Variants in PALM2AKAP2 observed in about 807,000 individuals in gnomAD.
PALM2AKAP2 encodes PALM2 and AKAP2 fusion, also known as PALM2-AKAP2 fusion protein.
In PALM2AKAP2, 37 loss-of-function variants were observed where a neutral mutation model predicts 71.5. That is an observed-to-expected ratio of 0.52 (90% CI 0.40 to 0.68). PALM2AKAP2 has a LOEUF of 0.68. Among genes scored for constraint, PALM2AKAP2 ranks in the 30% least tolerant of loss-of-function variants. The pLI is 0.00. For missense variants in PALM2AKAP2, 1,224 were observed against 1,191.8 expected (o/e 1.03, Z -0.40); for synonymous variants, 468 against 478.8 (o/e 0.98, Z 0.29).
At chr9:109,875,698 T>C (rs1829706173) in intron 2 of PALM2AKAP2, among the ~76,000 whole-genome samples, 1 of 152,202 alleles carries the variant, frequency 6.6e-6, no homozygotes, top group Non-Finnish European at 1.5e-5. Context: ...CCAGGCCTTA[T>C]GCGAGACTTA....
intron 1 of PALM2AKAP2, among the ~76,000 whole-genome samples, chr9:109,684,897 G>A (rs546694901): frequency 3.9e-5 from 6 of 152,224 alleles, no homozygotes; most frequent in African/African-American, 1.2e-4. Context: ...GGAAATGATC[G>A]AAATGTCCAT....
rs143863477 is a variant in PALM2AKAP2 at position 109,942,887 on chromosome 9, T to G, written c.496+10859T>G. 80 of 1,614,150 alleles carry G rather than the reference T, an allele frequency of 5.0e-5. 1 individual carries two copies. The highest frequency in any genetic ancestry group is 5.6e-5 in the Non-Finnish European group (66 of 1,180,024). On this transcript the variant is annotated intron_variant, in intron 6 of 9. Coordinates refer to the PALM2AKAP2 transcript ENST00000302798. ...GTGCACAAATTAAGCACAAAGGATG[T>G]AGAAGAGCTTATTCAGAAGGCTGGA...
At position 110,115,694 on chromosome 9, in the gene PALM2AKAP2, A is replaced by T. The variant is rs927163978; in HGVS notation, c.157-20433A>T. ...TGCTTTTGAAGAAACTTGAGACAAG[A>T]CTATTCATGAGTTCCCAGAGTGGGT... On this transcript the variant is annotated intron_variant, in intron 1 of 3. Coordinates refer to ENST00000374525, the Ensembl canonical transcript of PALM2AKAP2. Among the ~76,000 whole-genome samples the T allele has an allele frequency of 2.6e-5, 4 of 152,198 alleles. 1 individual carries two copies. Among genetic ancestry groups the T allele is most frequent in the African/African-American group, 7.2e-5 (3 of 41,446 alleles).
At chr9:109,815,228 A>G (rs186093705) in intron 1 of PALM2AKAP2, among the ~76,000 whole-genome samples, 2 of 152,226 alleles carry the variant, frequency 1.3e-5, no homozygotes, top group Non-Finnish European at 2.9e-5. Context: ...AGACAAGGGG[A>G]TGGTTGATGT....
chr9:109,730,209 T>C (rs911704019), intron 1 of PALM2AKAP2, among the ~76,000 whole-genome samples: 1 of 152,222 alleles, frequency 6.6e-6, no homozygotes, highest in Admixed American at 6.5e-5. Context: ...TTCAAGCTTC[T>C]AGTAATTCAT....
chr9:109,917,755 A>G (rs778527019), intron 3 of PALM2AKAP2, among the ~76,000 whole-genome samples: 1 of 151,896 alleles, frequency 6.6e-6, no homozygotes, highest in Non-Finnish European at 1.5e-5. Flanking sequence ...CAGTCTCCCA[A>G]AGTGCTGGGA....
chr9:110,081,327 AT>A (rs1232759495), intron 1 of PALM2AKAP2, among the ~76,000 whole-genome samples: 1 of 152,252 alleles, frequency 6.6e-6, no homozygotes, highest in Non-Finnish European at 1.5e-5. Flanking sequence ...GCACCAGAGC[AT>A]TTCATTGAGA....
rs1428201953 is a variant in PALM2AKAP2 at position 109,870,720 on chromosome 9, C to A, written c.126+3149C>A. Among the ~76,000 whole-genome samples the A allele has an allele frequency of 2.0e-5, 3 of 152,292 alleles. No individual in the cohort carries two copies. In the East Asian group the frequency reaches 5.8e-4, roughly 29 times the overall value. ...ACCGTTCTCTTTGAAAGAAATGTTTCCTTTGGAATAATTCATTTAGTGAGA... is the reference window on the plus strand; with the variant it reads ...ACCGTTCTCTTTGAAAGAAATGTTTACTTTGGAATAATTCATTTAGTGAGA... On this transcript the variant is annotated intron_variant, in intron 2 of 9. Coordinates refer to the PALM2AKAP2 transcript ENST00000302798.
At chr9:110,100,014 G>GTA (rs1243347140) in intron 1 of PALM2AKAP2, among the ~76,000 whole-genome samples, 19 of 143,740 alleles carry the variant, frequency 1.3e-4, no homozygotes, top group African/African-American at 4.9e-4. Flanking sequence ...ATATATGTGT[G>GTA]TGTGTGTCTT....
intron 2 of PALM2AKAP2, among the ~76,000 whole-genome samples, chr9:110,152,094 A>C (rs1441552010): frequency 6.6e-6 from 1 of 152,098 alleles, no homozygotes; most frequent in African/African-American, 2.4e-5. Context: ...AAAATTAGCC[A>C]GGCATAGTGG....
chr9:109,714,862 G>C (rs1441099066), intron 1 of PALM2AKAP2, among the ~76,000 whole-genome samples: 4 of 152,198 alleles, frequency 2.6e-5, no homozygotes, highest in African/African-American at 9.7e-5. Context: ...TAGCCATGAA[G>C]CAAGATACTT....
intron 1 of PALM2AKAP2, among the ~76,000 whole-genome samples, chr9:109,658,409 C>G (rs1827339741): frequency 6.6e-6 from 1 of 151,898 alleles, no homozygotes; most frequent in Non-Finnish European, 1.5e-5. Context: ...TCTGACCTCT[C>G]CAAAAATCTT....
At chr9:109,952,160 A>C (rs1467677781) in intron 6 of PALM2AKAP2, among the ~76,000 whole-genome samples, 1 of 152,260 alleles carries the variant, frequency 6.6e-6, no homozygotes, top group African/African-American at 2.4e-5. Flanking sequence ...CATGTATGAC[A>C]TTTAAATGAA....
chr9:109,861,414 A>G (rs9299177), intron 1 of PALM2AKAP2, among the ~76,000 whole-genome samples: 26,322 of 152,152 alleles, frequency 0.17, 2,449 homozygotes, highest in South Asian at 0.23. Flanking sequence ...GCTCTTTAAC[A>G]ATAGTTTACG....
At chr9:109,772,935 G>A (rs1829292049) in intron 1 of PALM2AKAP2, among the ~76,000 whole-genome samples, 4 of 152,100 alleles carry the variant, frequency 2.6e-5, no homozygotes, top group Admixed American at 2.0e-4. Flanking sequence ...TGGCTAACAC[G>A]GTGAAACCCC....
At chr9:110,063,779 A>G (rs1834016646) in intron 1 of PALM2AKAP2, among the ~76,000 whole-genome samples, 1 of 152,144 alleles carries the variant, frequency 6.6e-6, no homozygotes, top group Admixed American at 6.6e-5. Flanking sequence ...CAGTCATATT[A>G]GACTCATCCA....
chr9:109,655,296 C>T (rs533907271), intron 1 of PALM2AKAP2, among the ~76,000 whole-genome samples: 680 of 43,894 alleles, frequency 0.015, 4 homozygotes, highest in Non-Finnish European at 0.019. Context: ...GAGACTCGGT[C>T]TCAAAAAAAA....
intron 1 of PALM2AKAP2, among the ~76,000 whole-genome samples, chr9:109,804,686 T>C (rs1341793445): frequency 6.6e-6 from 1 of 152,216 alleles, no homozygotes; most frequent in Non-Finnish European, 1.5e-5. Context: ...TTTACTTCTG[T>C]GGGTTTTACC....
intron 6 of PALM2AKAP2, among the ~76,000 whole-genome samples, chr9:110,005,661 C>A (rs1021977570): frequency 1.3e-5 from 2 of 152,208 alleles, no homozygotes; most frequent in Admixed American, 1.3e-4. Context: ...CCTTGAGGTG[C>A]GGTGGGCTCC....
Sources: allele counts gnomAD v4.1 joint callset (sites outside exome capture counted in the v4.1 genomes callset), GRCh38; gene constraint gnomAD v4.1.1; transcripts MANE v1.5; gene names NCBI Gene and HGNC (gene_info 2026-07-23, HGNC 2026-07-21).